FBXW10: variants seen among roughly 807,000 people sequenced by gnomAD.
FBXW10 encodes the protein F-box and WD repeat domain containing 10.
Under a neutral mutation model 113.1 loss-of-function variants are expected in FBXW10, and 68 were observed. The ratio of observed to expected loss-of-function variants is 0.60; its 90% confidence interval spans 0.49 to 0.74. FBXW10 has a LOEUF of 0.74. Ranked by LOEUF, FBXW10 falls within the 30% of genes least tolerant of loss-of-function variation. The probability of loss-of-function intolerance (pLI) is 0.00; values close to 1 mark genes in which losing one functional copy is unlikely to be tolerated. For missense variants in FBXW10, 753 were observed against 1,284.5 expected, an observed-to-expected ratio of 0.59 and a Z score of 6.32; for synonymous variants, 289 against 481.6, an observed-to-expected ratio of 0.60 and a Z score of 5.24.
chr17:18,772,813 T>A, intron 12 of FBXW10, 130 bp downstream of exon 12: 1 of 754,874 alleles, frequency 1.3e-6, no homozygotes, highest in Non-Finnish European at 2.2e-6. Context: ...CCTGAGGATA[T>A]AAATCCTAAC....
chr17:18,749,392 A>C (rs2151790254), intron 2 of FBXW10, among the ~76,000 whole-genome samples: 2 of 152,094 alleles, frequency 1.3e-5, no homozygotes, highest in East Asian at 3.9e-4. Context: ...AAAAAAATAC[A>C]AAAAATTAGC....
At chr17:18,755,672 G>A (rs1250180167) in intron 5 of FBXW10, among the ~76,000 whole-genome samples, 1 of 152,106 alleles carries the variant, frequency 6.6e-6, no homozygotes, top group African/African-American at 2.4e-5. Context: ...ATGACGTTCC[G>A]ACTTCTGTGA....
At chr17:18,745,043 G>T in intron 1 of FBXW10, 1 of 1,307,368 alleles carries the variant, frequency 7.6e-7, no homozygotes, top group Non-Finnish European at 9.8e-7. Flanking sequence ...AGAAATGGCT[G>T]GTCCCTGCCC....
chr17:18,766,534 A>G (rs963849764), intron 8 of FBXW10, among the ~76,000 whole-genome samples, 180 bp from the exon 9 acceptor site: 18 of 152,196 alleles, frequency 1.2e-4, no homozygotes, highest in African/African-American at 3.4e-4. Flanking sequence ...CTGTGGGCAC[A>G]TGAGCGGTTG....
Position 18,778,827 on chromosome 17 carries a change from G to C in FBXW10, c.2688G>C (p.Lys896Asn). The change falls in exon 14 of 14, where the codon AAG becomes AAC. Residue 896 changes from lysine (K) to asparagine (N), a missense_variant. Physicochemically the swap from Lys to Asn is moderately conservative, Grantham distance 94. Transcript: ENST00000395665. ...LEIQKLQPNLKISLHSPRVQS... is the reference protein window; with the variant it reads ...LEIQKLQPNLNISLHSPRVQS... ...TCCAGAAACTGCAGCCCAACTTGAA[G>C]ATCTCTTTGCACAGTCCTAGAGTCC... is the stretch of plus-strand genomic sequence containing the variant. 6.2e-7 allele frequency: 1 copy of C among 1,613,934 alleles called. No individual in the cohort carries two copies.
intron 7 of FBXW10, among the ~76,000 whole-genome samples, chr17:18,761,116 T>A (rs1165210603): frequency 2.6e-5 from 4 of 152,214 alleles, no homozygotes; most frequent in African/African-American, 9.7e-5. Flanking sequence ...CATATGTGCA[T>A]GAGAATGTCC....
At chr17:18,769,755 C>A (rs1269032021) in intron 10 of FBXW10, 172 bp from the exon 11 acceptor site, 14 of 703,634 alleles carry the variant, frequency 2.0e-5, no homozygotes, top group Admixed American at 3.2e-5. Flanking sequence ...CCAGCCTGGG[C>A]AACAAGAGTG....
At chr17:18,749,142 A>G (rs371548336) in intron 2 of FBXW10, among the ~76,000 whole-genome samples, 2 of 151,986 alleles carry the variant, frequency 1.3e-5, no homozygotes, top group East Asian at 3.9e-4. Context: ...TTGTTGGAGT[A>G]TTTTTAAGAA....
chr17:18,766,148 T>C (rs11870736), intron 8 of FBXW10, among the ~76,000 whole-genome samples: 12,917 of 149,118 alleles, frequency 0.087, 408 homozygotes, highest in African/African-American at 0.13. Flanking sequence ...AACCCACCCC[T>C]AGCTGTGACC....
intron 9 of FBXW10, among the ~76,000 whole-genome samples, 173 bp downstream of exon 9, chr17:18,767,035 G>C (rs1857535525): frequency 1.3e-5 from 2 of 152,316 alleles, no homozygotes; most frequent in South Asian, 4.1e-4. Flanking sequence ...AGTCTGTGGA[G>C]GGTAGGGGCT....
At chr17:18,751,260 A>G (rs1284777538) in intron 5 of FBXW10, among the ~76,000 whole-genome samples, 22 of 146,168 alleles carry the variant, frequency 1.5e-4, no homozygotes, top group Admixed American at 2.8e-4. Context: ...GAGTCTCGCT[A>G]TGTCACCCAG....
At chr17:18,762,745 T>A (rs555837138) in intron 7 of FBXW10, among the ~76,000 whole-genome samples, 9 of 152,226 alleles carry the variant, frequency 5.9e-5, no homozygotes, top group African/African-American at 2.2e-4. Flanking sequence ...CTTCATCTTG[T>A]TCCCCTTCTG....
Position 18,768,695 on chromosome 17 carries a change from C to G in FBXW10, c.1847+19C>G, listed in dbSNP as rs752021686. The G allele has an allele frequency of 9.2e-5, 149 of 1,612,904 alleles. No homozygotes were observed. The highest frequency in any genetic ancestry group is 1.2e-4 in the Non-Finnish European group (144 of 1,179,436). On this transcript the variant is annotated intron_variant, in intron 10 of 13. Transcript: ENST00000395665. ...ATCCCAAGTAGGTGCCTGTGAAGCC[C>G]GGAGCGATGAACCTGGTGTCCTTCC...
intron 6 of FBXW10, among the ~76,000 whole-genome samples, chr17:18,756,843 T>G (rs930390134): frequency 1.3e-5 from 2 of 152,194 alleles, no homozygotes; most frequent in African/African-American, 4.8e-5. Flanking sequence ...TACTTTATTT[T>G]TGGCCATGAA....
In FBXW10 at chr17:18,766,804, G is replaced by A. The variant is rs754378643; in HGVS notation, c.1646G>A (p.Ser549Asn). Reference protein sequence around the residue: ...ATRINDTYIVSSCERGLVKVW... With the variant: ...ATRINDTYIVNSCERGLVKVW... ...AGGATCAATGATACCTACATTGTGA[G>A]CAGCTGTGAGCGAGGGCTGGTGAAA... Residue 549 changes from serine (S) to asparagine (N), a missense_variant, in exon 9 of 14, where the codon AGC becomes AAC. Coordinates refer to ENST00000395665, the MANE Select transcript of FBXW10 (RefSeq NM_001267585.2). 4 of 1,612,554 alleles carry A rather than the reference G, an allele frequency of 2.5e-6. No homozygotes were observed. The African/African-American group carries it at 4.0e-5, about 16-fold the overall frequency.
At position 18,758,563 on chromosome 17, in the gene FBXW10, T is replaced by C. The variant is rs1282841855; in HGVS notation, c.1433+58T>C. The C allele has an allele frequency of 6.2e-6, 10 of 1,605,102 alleles. No homozygotes were observed. In the Admixed American group the frequency reaches 1.7e-4, roughly 27 times the overall value. On this transcript the variant is annotated intron_variant, in intron 7 of 13. Transcript: ENST00000395665. ...CCACCTAGGGCCTAGAGGCAGCTCA[T>C]GGAAGAAGTGTGCATGCTTCTTCTT...
At position 18,764,785 on chromosome 17, in the gene FBXW10, G is replaced by T. The variant is rs1399929505; in HGVS notation, c.1477G>T (p.Gly493Cys). 18 of 1,613,920 alleles carry T rather than the reference G, an allele frequency of 1.1e-5. No homozygotes were observed. The highest frequency in any genetic ancestry group is 1.5e-5 in the Non-Finnish European group (18 of 1,179,852). Residue 493 changes from glycine to cysteine, a missense_variant, in exon 8 of 14, where the codon GGT becomes TGT. Physicochemically the swap from Gly to Cys is radical, Grantham distance 159. Coordinates refer to ENST00000395665, the MANE Select transcript of FBXW10 (RefSeq NM_001267585.2). Reference protein sequence around the residue: ...KSGVCTRIFGGHQGTITCMDL... With the variant: ...KSGVCTRIFGCHQGTITCMDL... ...TGGGGTTTGCACACGAATCTTCGGTGGTCACCAGGGGACTATCACTTGCAT... is the reference window on the plus strand; with the variant it reads ...TGGGGTTTGCACACGAATCTTCGGTTGTCACCAGGGGACTATCACTTGCAT...
chr17:18,748,278 G>T (rs920446045), intron 2 of FBXW10, among the ~76,000 whole-genome samples, 173 bp downstream of exon 2: 3 of 152,034 alleles, frequency 2.0e-5, no homozygotes, highest in African/African-American at 7.2e-5. Context: ...AAATTAGCCA[G>T]GCGCAGTGGC....
chr17:18,768,043 C>CTTCCTTCCTTCT (rs1374822580), intron 9 of FBXW10, among the ~76,000 whole-genome samples: 1 of 140,694 alleles, frequency 7.1e-6, no homozygotes, highest in Non-Finnish European at 1.6e-5. Context: ...TCCTTCCTTC[C>CTTCCTTCCTTCT]TTCCTTCCTT....
Sources: gnomAD v4.1 joint callset for allele counts (sites outside exome capture counted in the v4.1 genomes callset) on GRCh38, gnomAD v4.1.1 for gene constraint, MANE v1.5 for transcripts, NCBI Gene and HGNC (gene_info 2026-07-23, HGNC 2026-07-21) for gene names.